The following LOC122539214 variants were observed in gnomAD, a reference collection of about 807,000 sequenced individuals.
At chr19:52,671,776 C>G in the LOC122539214 span, among the ~76,000 whole-genome samples, 1 of 152,280 alleles carries the variant, frequency 6.6e-6, no homozygotes, top group African/African-American at 2.4e-5. Flanking sequence ...CTTTGTTATT[C>G]TCTCCTGAGT....
At chr19:52,681,303 CA>C in the LOC122539214 span, among the ~76,000 whole-genome samples, 4 of 78,290 alleles carry the variant, frequency 5.1e-5, no homozygotes, top group Admixed American at 4.6e-4. Context: ...AAAAAAAAAG[CA>C]AACGAACATA....
At chr19:52,650,713 G>A in the LOC122539214 span, 1 of 152,190 alleles carries the variant, frequency 6.6e-6, no homozygotes, top group Non-Finnish European at 1.5e-5. Flanking sequence ...AGTCAGATTT[G>A]AAACCCGATC....
chr19:52,680,752 A>C, the LOC122539214 span, among the ~76,000 whole-genome samples: 1 of 142,648 alleles, frequency 7.0e-6, no homozygotes, highest in Non-Finnish European at 1.5e-5. Flanking sequence ...AACTGGGACT[A>C]CAGGCGCCCG....
the LOC122539214 span, among the ~76,000 whole-genome samples, chr19:52,685,530 C>T: frequency 6.6e-6 from 1 of 151,990 alleles, no homozygotes; most frequent in Non-Finnish European, 1.5e-5. Context: ...TGTGAACACA[C>T]AGTAATTGAC....
At chr19:52,653,365 C>T in the LOC122539214 span, 36 of 1,126,042 alleles carry the variant, frequency 3.2e-5, no homozygotes, top group African/African-American at 1.9e-4. Flanking sequence ...GTATGAATCA[C>T]GCTGGAAAAC....
the LOC122539214 span, among the ~76,000 whole-genome samples, chr19:52,659,613 C>CAAAAAAAAAAAA: frequency 8.7e-6 from 1 of 114,292 alleles, no homozygotes; most frequent in Non-Finnish European, 1.8e-5. Context: ...GACTCCAACT[C>CAAAAAAAAAAAA]AAAAAAAAAA....
At chr19:52,681,208 A>C in the LOC122539214 span, among the ~76,000 whole-genome samples, 1 of 144,378 alleles carries the variant, frequency 6.9e-6, no homozygotes. Context: ...TCTCGAGCCC[A>C]GGAGACGGAG....
chr19:52,682,832 T>C, the LOC122539214 span, among the ~76,000 whole-genome samples: 8 of 152,206 alleles, frequency 5.3e-5, no homozygotes, highest in Non-Finnish European at 1.2e-4. Context: ...TTTGCCATTG[T>C]ACTCCAGACC....
chr19:52,681,022 T>G, the LOC122539214 span, among the ~76,000 whole-genome samples: 219 of 151,906 alleles, frequency 1.4e-3, no homozygotes, highest in Non-Finnish European at 2.5e-3. Context: ...TGGTGGCTCA[T>G]GCCTGTAATC....
chr19:52,687,386 T>A, the LOC122539214 span, among the ~76,000 whole-genome samples: 5 of 36,620 alleles, frequency 1.4e-4, no homozygotes, highest in African/African-American at 1.0e-3. Flanking sequence ...ATAATTTATA[T>A]ATATATAATT....
At chr19:52,652,769 A>G in the LOC122539214 span, 1 of 822,130 alleles carries the variant, frequency 1.2e-6, no homozygotes, top group South Asian at 1.4e-5. Context: ...TGAATAAGTG[A>G]TGACTGCCCA....
the LOC122539214 span, chr19:52,653,427 A>C: frequency 1.2e-6 from 1 of 822,472 alleles, no homozygotes; most frequent in South Asian, 1.3e-5. Flanking sequence ...GAACTCTGTT[A>C]TGGCGTGAAA....
the LOC122539214 span, among the ~76,000 whole-genome samples, chr19:52,681,421 TAGAAA>T: frequency 6.6e-6 from 1 of 151,632 alleles, no homozygotes; most frequent in South Asian, 2.1e-4. Flanking sequence ...ATGAATTTGA[TAGAAA>T]AGAAAAGAGA....
the LOC122539214 span, among the ~76,000 whole-genome samples, chr19:52,653,494 C>G: frequency 6.6e-6 from 1 of 152,192 alleles, no homozygotes; most frequent in Non-Finnish European, 1.5e-5. Context: ...TGGTTTCTCT[C>G]CAGTATGAAT....
chr19:52,673,111 A>G, the LOC122539214 span, among the ~76,000 whole-genome samples: 1 of 152,206 alleles, frequency 6.6e-6, no homozygotes, highest in Non-Finnish European at 1.5e-5. Flanking sequence ...CAGGAGACTG[A>G]GGCATGAGAA....
the LOC122539214 span, among the ~76,000 whole-genome samples, chr19:52,687,591 TA>T: frequency 5.9e-3 from 218 of 37,226 alleles, 25 homozygotes; most frequent in African/African-American, 0.057. Context: ...TATATATATA[TA>T]TATAATGTAT....
the LOC122539214 span, among the ~76,000 whole-genome samples, chr19:52,688,479 T>G: frequency 1.3e-5 from 2 of 152,000 alleles, no homozygotes; most frequent in African/African-American, 4.8e-5. Context: ...CAGCCTCTCT[T>G]TCTTCATTAC....
chr19:52,678,971 CT>C, the LOC122539214 span, among the ~76,000 whole-genome samples: 62 of 95,818 alleles, frequency 6.5e-4, no homozygotes, highest in South Asian at 2.3e-3. Context: ...AAGACTCCAT[CT>C]CAAAAAAAAA....
the LOC122539214 span, chr19:52,652,963 C>T: frequency 7.7e-7 from 1 of 1,292,910 alleles, no homozygotes; most frequent in African/African-American, 1.5e-5. Context: ...GGTCTTGCCA[C>T]ACTCATTACA....
Sources: gnomAD v4.1 joint callset for allele counts (sites outside exome capture counted in the v4.1 genomes callset) on GRCh38, gnomAD v4.1.1 for gene constraint, MANE v1.5 for transcripts.